KIAA1328: variants seen among roughly 807,000 people sequenced by gnomAD.
KIAA1328 encodes protein hinderin.
A neutral mutation model predicts 68.1 loss-of-function variants in KIAA1328; 52 were observed. The ratio of observed to expected loss-of-function variants is 0.76; its 90% CI spans 0.61 to 0.96. The LOEUF (loss-of-function observed/expected upper bound fraction) is 0.96. Among genes scored for constraint, KIAA1328 ranks in the 40% least tolerant of loss-of-function variants. KIAA1328 has a pLI of 0.00. For synonymous variants in KIAA1328, 232 were observed against 239.4 expected (o/e 0.97, Z 0.28); for missense variants, 641 against 677.6 (o/e 0.95, Z 0.60).
At chr18:37,051,234 A>C (rs2055681272) in intron 6 of KIAA1328, among the ~76,000 whole-genome samples, 1 of 5,680 alleles carries the variant, frequency 1.8e-4, no homozygotes, top group Non-Finnish European at 0.042. Context: ...ATTGAGAGCA[A>C]AAAAAAAAAC....
rs148645906 is a variant in KIAA1328 at position 36,948,222 on chromosome 18, G to A, written c.449-11086G>A. Among the ~76,000 whole-genome samples the A allele has an allele frequency of 9.2e-5, 14 of 151,696 alleles. No individual in the cohort carries two copies. The East Asian group carries it at 2.1e-3, about 23-fold the overall frequency. On this transcript the variant is annotated intron_variant, in intron 5 of 9. Transcript: ENST00000280020. ...AACAAATCTCTTCTGTTTGAAGATC[G>A]GAAGTAGAATGACATGACTTTTTGT...
At chr18:37,212,548 G>A (rs746978813) in intron 9 of KIAA1328, among the ~76,000 whole-genome samples, 8 of 152,066 alleles carry the variant, frequency 5.3e-5, no homozygotes, top group South Asian at 2.1e-4. Flanking sequence ...AAAGGACACC[G>A]ATAAAGCATG....
At chr18:37,085,909 TAA>T (rs2057089084) in intron 7 of KIAA1328, among the ~76,000 whole-genome samples, 2 of 152,212 alleles carry the variant, frequency 1.3e-5, no homozygotes, top group Admixed American at 1.3e-4. Context: ...AAAATATTTA[TAA>T]GATTGTAAAT....
At chr18:37,132,422 A>G (rs1433483096) in intron 7 of KIAA1328, among the ~76,000 whole-genome samples, 1 of 152,236 alleles carries the variant, frequency 6.6e-6, no homozygotes, top group Non-Finnish European at 1.5e-5. Context: ...AACATAAAAC[A>G]TTATTCTGTA....
intron 7 of KIAA1328, among the ~76,000 whole-genome samples, chr18:37,145,334 C>A (rs1477239027): frequency 6.6e-6 from 1 of 151,634 alleles, no homozygotes; most frequent in African/African-American, 2.4e-5. Flanking sequence ...AGTTTTTATT[C>A]TTTAGAAATG....
chr18:37,127,156 A>G (rs1568441136), intron 7 of KIAA1328, among the ~76,000 whole-genome samples: 1 of 152,204 alleles, frequency 6.6e-6, no homozygotes, highest in Non-Finnish European at 1.5e-5. Context: ...ATCTACTTAG[A>G]AAATTCTAAG....
chr18:36,931,373 A>G (rs1289801766), intron 5 of KIAA1328, among the ~76,000 whole-genome samples: 2 of 152,124 alleles, frequency 1.3e-5, no homozygotes, highest in African/African-American at 2.4e-5. Flanking sequence ...TGCAAACCCT[A>G]TTGTGAACTG....
chr18:37,175,814 A>G (rs998445426), intron 9 of KIAA1328, among the ~76,000 whole-genome samples: 5 of 152,236 alleles, frequency 3.3e-5, no homozygotes, highest in African/African-American at 4.8e-5. Context: ...ACCAAAGGGA[A>G]CAAGAGTAAA....
chr18:36,965,511 G>A (rs961806331), intron 6 of KIAA1328, among the ~76,000 whole-genome samples: 22 of 808 alleles, frequency 0.027, no homozygotes, highest in Middle Eastern at 0.25. Context: ...AAATTAGCCA[G>A]GCGTGGTGGC....
chr18:36,964,188 A>G (rs2051817817), intron 6 of KIAA1328, among the ~76,000 whole-genome samples: 1 of 152,218 alleles, frequency 6.6e-6, no homozygotes, highest in South Asian at 2.1e-4. Context: ...TCTTGTTTCT[A>G]TAACTAACTC....
chr18:36,992,418 C>T (rs72888992), intron 6 of KIAA1328, among the ~76,000 whole-genome samples: 20,098 of 147,972 alleles, frequency 0.14, 1,726 homozygotes, highest in Admixed American at 0.19. Context: ...GGAATTGATG[C>T]GAGGCAAAGG....
intron 6 of KIAA1328, among the ~76,000 whole-genome samples, chr18:37,063,829 AAAT>A (rs1332433731): frequency 2.9e-4 from 44 of 152,336 alleles, no homozygotes; most frequent in Non-Finnish European, 8.8e-5. Flanking sequence ...GGACATATGT[AAAT>A]AATGTTATGA....
At chr18:36,938,004 G>A (rs1009369862) in intron 5 of KIAA1328, among the ~76,000 whole-genome samples, 1 of 151,798 alleles carries the variant, frequency 6.6e-6, no homozygotes, top group South Asian at 2.1e-4. Flanking sequence ...ATTTTCTTTG[G>A]TCACTTAGGT....
At chr18:37,193,901 G>A (rs1205509945) in intron 9 of KIAA1328, among the ~76,000 whole-genome samples, 1 of 152,046 alleles carries the variant, frequency 6.6e-6, no homozygotes, top group Non-Finnish European at 1.5e-5. Context: ...GTCCTTTCAG[G>A]GATAATTATG....
At chr18:37,128,855 A>G (rs1318799715) in intron 7 of KIAA1328, among the ~76,000 whole-genome samples, 1 of 152,198 alleles carries the variant, frequency 6.6e-6, no homozygotes, top group African/African-American at 2.4e-5. Flanking sequence ...ACGTGTAACA[A>G]CATGGGTGAA....
chr18:37,003,894 TGTAA>T (rs1416472111), intron 6 of KIAA1328, among the ~76,000 whole-genome samples: 1 of 151,934 alleles, frequency 6.6e-6, no homozygotes, highest in African/African-American at 2.4e-5. Context: ...ATTAGTGGGC[TGTAA>T]GTATTTGGTT....
chr18:36,953,995 CTTTTT>C (rs71168249), intron 5 of KIAA1328, among the ~76,000 whole-genome samples: 1 of 113,544 alleles, frequency 8.8e-6, no homozygotes, highest in Non-Finnish European at 1.7e-5. Context: ...CTGATTGTTT[CTTTTT>C]TTTTTTTTTT....
intron 6 of KIAA1328, among the ~76,000 whole-genome samples, chr18:36,965,897 C>T (rs974062698): frequency 1.1e-4 from 16 of 150,826 alleles, no homozygotes; most frequent in Middle Eastern, 3.2e-3. Context: ...CCAGAGGCAT[C>T]GTCATACTTC....
At chr18:37,078,495 A>C (rs1303032629) in intron 7 of KIAA1328, among the ~76,000 whole-genome samples, 4 of 149,950 alleles carry the variant, frequency 2.7e-5, no homozygotes, top group Admixed American at 6.6e-5. Context: ...TAATTAAACT[A>C]AAGAGCTTCT....
Sources: allele counts gnomAD v4.1 joint callset (sites outside exome capture counted in the v4.1 genomes callset), GRCh38; gene constraint gnomAD v4.1.1; transcripts MANE v1.5; gene names NCBI Gene and HGNC (gene_info 2026-07-23, HGNC 2026-07-21).